The following STOX2 variants were observed in gnomAD, a reference collection of about 807,000 sequenced individuals.
STOX2 encodes storkhead-box protein 2.
A neutral mutation model predicts 60.9 loss-of-function variants in STOX2; 28 were observed. The ratio of observed to expected loss-of-function variants is 0.46; its 90% CI spans 0.34 to 0.63. STOX2 has a LOEUF of 0.63. Ranked by LOEUF, STOX2 falls within the 30% of genes least tolerant of loss-of-function variation. The pLI, the probability that STOX2 is intolerant of heterozygous loss-of-function variation, is 0.01. For missense variants in STOX2, 1,024 were observed against 1,187.7 expected, an observed-to-expected ratio of 0.86 and a Z score of 2.03; for synonymous variants, 472 against 463.9, an observed-to-expected ratio of 1.02 and a Z score of -0.22.
chr4:183,891,121 A>G (rs905518818), intron 1 of STOX2, among the ~76,000 whole-genome samples: 2 of 151,980 alleles, frequency 1.3e-5, no homozygotes, highest in African/African-American at 4.8e-5. Context: ...GACAATAAAA[A>G]ATAATAATCC....
intron 1 of STOX2, among the ~76,000 whole-genome samples, chr4:183,851,098 C>G (rs374508563): frequency 0.086 from 1,010 of 11,710 alleles, 5 homozygotes; most frequent in Middle Eastern, 0.14. Context: ...ATGAGGGAAA[C>G]GATGAGGGAA....
chr4:183,805,530 A>G (rs1423111193), intron 1 of STOX2, among the ~76,000 whole-genome samples: 1 of 152,230 alleles, frequency 6.6e-6, no homozygotes, highest in Non-Finnish European at 1.5e-5. Flanking sequence ...ACAGTAGGCC[A>G]AGCATGGTGG....
rs1273148644 is a variant in STOX2 at position 184,022,805 on chromosome 4, A to C, written c.*5521A>C. ...TCCTCCTTTCCATTCTCCCACCTAG[A>C]TACTGACACACCGCCACGGTTTCCA... On this transcript the variant is annotated 3_prime_UTR_variant, in exon 4 of 4. Coordinates refer to ENST00000308497, the MANE Select transcript of STOX2 (RefSeq NM_020225.3). 2 of 152,162 alleles carry C rather than the reference A, an allele frequency of 1.3e-5. No homozygotes were observed. The highest frequency in any genetic ancestry group is 2.9e-5 in the Non-Finnish European group (2 of 68,098). The allele number at this position is 152,162 out of a possible 1,614,324, so 9.4% of individuals were successfully genotyped here.
At chr4:183,944,118 A>G (rs962730006) in intron 1 of STOX2, among the ~76,000 whole-genome samples, 2 of 152,234 alleles carry the variant, frequency 1.3e-5, no homozygotes, top group South Asian at 2.1e-4. Context: ...AATTCTTCCT[A>G]GGAAGTTGGG....
At chr4:184,016,626 C>A (rs528270217) in intron 3 of STOX2, among the ~76,000 whole-genome samples, 1 of 152,226 alleles carries the variant, frequency 6.6e-6, no homozygotes, top group East Asian at 1.9e-4. Context: ...CCCCCACAGT[C>A]GAAATCTGCT....
At chr4:183,949,061 G>A (rs1742989885) in intron 1 of STOX2, among the ~76,000 whole-genome samples, 1 of 152,152 alleles carries the variant, frequency 6.6e-6, no homozygotes, top group Non-Finnish European at 1.5e-5. Flanking sequence ...CCACACAGTA[G>A]TGGCATTAAT....
chr4:184,009,370 A>G lies in STOX2; in HGVS notation c.532A>G (p.Ile178Val), dbSNP rs1734033789. Residue 178 changes from isoleucine (I) to valine (V), a missense_variant, in exon 3 of 4, where the codon ATC becomes GTC. Ile to Val is a conservative substitution (Grantham distance 29, BLOSUM62 3). Transcript: ENST00000308497. The surrounding 1 kb of genome is among the most constrained non-coding windows in gnomAD (Gnocchi z 4.0). ...GTGCACCTCTCCGCAACCCGGGACC[A>G]TCACGCCCTCTGCCTCAGGCTGTGT... ...SQCTSPQPGT[I>V]TPSASGCVRE... 6.2e-7 allele frequency: 1 copy of G among 1,614,036 alleles called. No homozygotes were observed. Among genetic ancestry groups the G allele is most frequent in the Non-Finnish European group, 8.5e-7 (1 of 1,179,910 alleles).
At chr4:183,911,961 C>T (rs1741794004) in intron 1 of STOX2, among the ~76,000 whole-genome samples, 1 of 152,158 alleles carries the variant, frequency 6.6e-6, no homozygotes, top group South Asian at 2.1e-4. Context: ...CACAGTAACA[C>T]AAGAAAGAAA....
chr4:183,833,519 G>A (rs1254117433), intron 1 of STOX2, among the ~76,000 whole-genome samples: 1 of 152,054 alleles, frequency 6.6e-6, no homozygotes, highest in African/African-American at 2.4e-5. Flanking sequence ...AAATCCAAAT[G>A]CAAACAGTGG....
intron 1 of STOX2, among the ~76,000 whole-genome samples, chr4:183,841,814 A>G (rs1739869763): frequency 6.6e-6 from 1 of 152,236 alleles, no homozygotes; most frequent in Admixed American, 6.5e-5. Context: ...GCTTTGCATA[A>G]TCAAGATATT....
chr4:183,999,684 G>T (rs546854387), intron 1 of STOX2, among the ~76,000 whole-genome samples: 11 of 152,292 alleles, frequency 7.2e-5, no homozygotes, highest in Admixed American at 7.2e-4. Flanking sequence ...CTCCCCGTAC[G>T]TGCTGATCTT....
intron 1 of STOX2, among the ~76,000 whole-genome samples, chr4:183,884,410 G>T (rs1335972629): frequency 1.3e-5 from 2 of 152,090 alleles, no homozygotes; most frequent in African/African-American, 4.8e-5. Flanking sequence ...GGCTGAGGCG[G>T]ATGGATCGCT....
Position 184,020,790 on chromosome 4 carries a change from C to T in STOX2, c.*3506C>T, listed in dbSNP as rs1486183164. ...TCTCTGATGTTGTGAAGGTCAGGTTCAGGAAGCATCAATTCACAGTTAATC... is the reference window on the plus strand; with the variant it reads ...TCTCTGATGTTGTGAAGGTCAGGTTTAGGAAGCATCAATTCACAGTTAATC... On this transcript the variant is annotated 3_prime_UTR_variant, in exon 4 of 4. Coordinates refer to ENST00000308497, the MANE Select transcript of STOX2 (RefSeq NM_020225.3). 1.3e-5 allele frequency: 2 copies of T among 152,072 alleles called. No individual in the cohort carries two copies. Among genetic ancestry groups the T allele is most frequent in the Non-Finnish European group, 2.9e-5 (2 of 68,026 alleles). 9.4% of individuals were successfully genotyped at this position (152,072 alleles called of 1,614,324 possible).
intron 1 of STOX2, among the ~76,000 whole-genome samples, chr4:183,948,250 A>G (rs190115094): frequency 3.3e-5 from 5 of 149,946 alleles, no homozygotes; most frequent in Non-Finnish European, 7.4e-5. Flanking sequence ...AAAAACACGA[A>G]AAAGAGTAAG....
chr4:183,928,798 T>G (rs1322963786), intron 1 of STOX2, among the ~76,000 whole-genome samples: 2 of 151,280 alleles, frequency 1.3e-5, no homozygotes, highest in African/African-American at 4.9e-5. Context: ...AGAGCGAGAC[T>G]CCATCTCAGG....
In STOX2 at chr4:184,011,674, T is replaced by A; in HGVS notation, c.2585+251T>A. 1 of 1,431,882 alleles carries A rather than the reference T, an allele frequency of 7.0e-7. No homozygotes were observed. The allele number at this position is 1,431,882 out of a possible 1,614,324, so 88.7% of individuals were successfully genotyped here. On this transcript the variant is annotated intron_variant, in intron 3 of 3. Transcript: ENST00000308497. The surrounding 1 kb of genome is among the most constrained non-coding windows in gnomAD (Gnocchi z 4.4). ...TCCCCTCAAACTTGCATCAGTCTGA[T>A]CTAACTAAAACCAATATTTCCAGTA... is the stretch of plus-strand genomic sequence containing the variant.
upstream of STOX2, among the ~76,000 whole-genome samples, chr4:183,902,697 G>T (rs1419146134): frequency 6.6e-6 from 1 of 152,186 alleles, no homozygotes; most frequent in Non-Finnish European, 1.5e-5. Context: ...TTTTTCTTCA[G>T]ATTGGACTGG....
At chr4:183,917,341 C>T (rs4862268) in intron 1 of STOX2, among the ~76,000 whole-genome samples, 12,215 of 152,242 alleles carry the variant, frequency 0.08, 584 homozygotes, top group South Asian at 0.13. Flanking sequence ...TAGCTGTAAC[C>T]ACCGGGTTGT....
chr4:183,811,949 T>G (rs1386034728), intron 1 of STOX2, among the ~76,000 whole-genome samples: 5 of 124,104 alleles, frequency 4.0e-5, no homozygotes, highest in Non-Finnish European at 8.3e-5. Flanking sequence ...TTTTTTTTTT[T>G]TTGAGACAGG....
Sources: gnomAD v4.1 joint callset for allele counts (sites outside exome capture counted in the v4.1 genomes callset) on GRCh38, gnomAD v4.1.1 for gene constraint, Gnocchi (gnomAD v3.1) non-coding constraint, MANE v1.5 for transcripts, NCBI Gene and HGNC (gene_info 2026-07-23, HGNC 2026-07-21) for gene names.